IMMT: variants seen among roughly 807,000 people sequenced by gnomAD.
IMMT encodes MICOS complex subunit MIC60.
In IMMT, 40 loss-of-function variants were observed where a neutral mutation model predicts 92.7. The observed-to-expected ratio is 0.43, with a 90% CI of 0.34 to 0.56. IMMT has a LOEUF of 0.56. Ranked by LOEUF, IMMT falls within the 20% of genes least tolerant of loss-of-function variation. IMMT has a pLI of 0.03. For missense variants in IMMT, 831 were observed against 912.1 expected (o/e 0.91, Z 1.14); for synonymous variants, 322 against 336.1 (o/e 0.96, Z 0.46).
intron 6 of IMMT, among the ~76,000 whole-genome samples, chr2:86,168,604 C>T (rs1262065091): frequency 6.6e-6 from 1 of 152,032 alleles, no homozygotes; most frequent in Non-Finnish European, 1.5e-5. Flanking sequence ...GCCTAGGTGA[C>T]AGAGTGAGAC....
rs148161743 is a variant in IMMT at position 86,159,032 on chromosome 2, T to C, written c.1033-311A>G. On this transcript the variant is annotated intron_variant, in intron 9 of 14. Coordinates refer to ENST00000410111, the MANE Select transcript of IMMT (RefSeq NM_006839.3). ...TCATAACCAAAAATGTTATCTATTATAGAAAGTATCAACAATATGGAACAA... is the reference window on the plus strand; with the variant it reads ...TCATAACCAAAAATGTTATCTATTACAGAAAGTATCAACAATATGGAACAA... Among the ~76,000 whole-genome samples the C allele has an allele frequency of 4.6e-5, 7 of 151,352 alleles. No individual in the cohort carries two copies. In the East Asian group the frequency reaches 7.8e-4, roughly 17 times the overall value.
At chr2:86,155,279 C>T (rs1675775793) in intron 10 of IMMT, among the ~76,000 whole-genome samples, 1 of 152,140 alleles carries the variant, frequency 6.6e-6, no homozygotes, top group Non-Finnish European at 1.5e-5. Context: ...CCGTCAATCT[C>T]ATAAAAATAA....
Position 86,156,087 on chromosome 2 carries a change from G to A in IMMT, c.1162+2505C>T, listed in dbSNP as rs566898310. 7.2e-5 allele frequency among the ~76,000 whole-genome samples: 11 copies of A among 152,116 alleles called. No individual in the cohort carries two copies. In the East Asian group the frequency reaches 1.7e-3, roughly 24 times the overall value. The stretch of plus-strand genomic sequence containing the variant: ...CTTTAGCACAGGCTTCTCAACCTTG[G>A]TGCTACTGGCCTTCTGGTCCGGACA... On this transcript the variant is annotated intron_variant, in intron 10 of 14. Coordinates refer to ENST00000410111, the MANE Select transcript of IMMT (RefSeq NM_006839.3).
At chr2:86,147,669 AG>A in intron 13 of IMMT, 32 bp downstream of exon 13, 1 of 1,593,300 alleles carries the variant, frequency 6.3e-7, no homozygotes, top group Non-Finnish European at 8.6e-7. Flanking sequence ...TGTCAGGAAG[AG>A]GGGTGTGGCT....
intron 7 of IMMT, among the ~76,000 whole-genome samples, chr2:86,165,829 A>G (rs902696139): frequency 1.3e-5 from 2 of 152,240 alleles, no homozygotes; most frequent in Admixed American, 1.3e-4. Context: ...TTAAAACTGC[A>G]TGTGAAGTTT....
chr2:86,171,384 G>A (rs761287988), intron 4 of IMMT, 39 bp from the exon 5 acceptor site: 2 of 1,584,408 alleles, frequency 1.3e-6, no homozygotes, highest in Non-Finnish European at 1.7e-6. Flanking sequence ...ATACTTTCCT[G>A]GGTTAACAGA....
intron 7 of IMMT, 28 bp from the exon 8 acceptor site, chr2:86,162,107 A>C: frequency 7.4e-7 from 1 of 1,350,134 alleles, no homozygotes; most frequent in Non-Finnish European, 1.0e-6. Flanking sequence ...ATTATATAAT[A>C]AATAACTGCT....
In IMMT at chr2:86,144,582, A is replaced by G. The variant is rs922606586; in HGVS notation, c.1963T>C (p.Leu655=). The change falls in exon 15 of 15, where the codon TTG becomes CTG. Residue 655 remains leucine, a synonymous_variant. Transcript: ENST00000410111. ...VAMIDETRNS[L]YQYFLSYLQS... is the part of the protein sequence containing the mutation. ...AGGTAGGAGAGGAAGTACTGGTACA[A>G]GCTATTTCTGGTTTCATCAATCATT... is the stretch of plus-strand genomic sequence containing the variant. 2.7e-5 allele frequency: 43 copies of G among 1,613,908 alleles called. No individual in the cohort carries two copies. The highest frequency in any genetic ancestry group is 3.6e-5 in the Non-Finnish European group (42 of 1,179,900).
At chr2:86,145,722 T>C (rs565494778) in intron 14 of IMMT, among the ~76,000 whole-genome samples, 7 of 152,196 alleles carry the variant, frequency 4.6e-5, no homozygotes, top group Non-Finnish European at 7.4e-5. Context: ...CATTTGGTAG[T>C]TGGACTCGGC....
chr2:86,179,288 G>A, intron 3 of IMMT, 145 bp downstream of exon 3: 1 of 624,062 alleles, frequency 1.6e-6, no homozygotes, highest in Middle Eastern at 4.3e-4. Flanking sequence ...TCTGAGACTT[G>A]AGCATCCATG....
At chr2:86,174,907 T>C (rs1677329835) in intron 3 of IMMT, among the ~76,000 whole-genome samples, 1 of 152,184 alleles carries the variant, frequency 6.6e-6, no homozygotes, top group Admixed American at 6.5e-5. Flanking sequence ...AACAAAGCAA[T>C]GAACATCCAT....
chr2:86,149,267 G>A (rs912439854), intron 12 of IMMT, among the ~76,000 whole-genome samples: 1 of 152,184 alleles, frequency 6.6e-6, no homozygotes, highest in African/African-American at 2.4e-5. Context: ...ATAGAACAAT[G>A]TACTAGGCAG....
chr2:86,159,294 A>G, intron 9 of IMMT: 1 of 533,180 alleles, frequency 1.9e-6, no homozygotes, highest in Non-Finnish European at 3.4e-6. Context: ...CATGTTGCCC[A>G]GGCTGGTCTC....
chr2:86,162,205 C>G, intron 7 of IMMT, 126 bp from the exon 8 acceptor site: 2 of 587,600 alleles, frequency 3.4e-6, no homozygotes, highest in East Asian at 7.0e-5. Flanking sequence ...CAATGTTTCT[C>G]CAGAGTAAGA....
intron 10 of IMMT, among the ~76,000 whole-genome samples, chr2:86,154,422 C>T (rs1183399770): frequency 6.6e-6 from 1 of 152,106 alleles, no homozygotes; most frequent in Non-Finnish European, 1.5e-5. Context: ...CTGCCTGCCT[C>T]GGCCTCCCAA....
rs538709416 is a variant in IMMT at position 86,187,893 on chromosome 2, C to G, written c.46-6521G>C. Among the ~76,000 whole-genome samples the G allele has an allele frequency of 1.3e-3, 192 of 147,766 alleles. 1 individual carries two copies. The highest frequency in any genetic ancestry group is 4.7e-3 in the African/African-American group (190 of 40,032). ...CGCCACTGCACTCCAGCCTGGGCAA[C>G]AAGAGTGAAACTCTGTCTCCAGAAA... On this transcript the variant is annotated intron_variant, in intron 1 of 14. Transcript: ENST00000410111.
At chr2:86,148,468 C>T (rs566004501) in intron 12 of IMMT, among the ~76,000 whole-genome samples, 51 of 151,970 alleles carry the variant, frequency 3.4e-4, no homozygotes, top group East Asian at 1.2e-3. Context: ...AAAAATTAGC[C>T]GGGTGTGGTG....
intron 8 of IMMT, among the ~76,000 whole-genome samples, chr2:86,161,154 A>G (rs1421857226): frequency 6.6e-6 from 1 of 151,858 alleles, no homozygotes; most frequent in African/African-American, 2.4e-5. Context: ...TTCTGGCCTA[A>G]TTTTATATAT....
Position 86,144,446 on chromosome 2 carries a change from T to C in IMMT, c.2099A>G (p.His700Arg), listed in dbSNP as rs770823699. The C allele has an allele frequency of 3.7e-6, 6 of 1,613,900 alleles. No homozygotes were observed. Among genetic ancestry groups the C allele is most frequent in the South Asian group, 3.3e-5 (3 of 91,082 alleles). ...LLSYASYCIE[H>R]GDLELAAKFV... Reference sequence around the variant, plus strand: ...CTTTGCTGCTAGCTCCAGATCACCATGCTCAATGCAATAGGAAGCATATGA... The same window carrying C: ...CTTTGCTGCTAGCTCCAGATCACCACGCTCAATGCAATAGGAAGCATATGA... Residue 700 changes from histidine (H) to arginine (R), a missense_variant, in exon 15 of 15, where the codon CAT becomes CGT. Coordinates refer to ENST00000410111, the MANE Select transcript of IMMT (RefSeq NM_006839.3).
Sources: allele counts gnomAD v4.1 joint callset (sites outside exome capture counted in the v4.1 genomes callset), GRCh38; gene constraint gnomAD v4.1.1; transcripts MANE v1.5; gene names NCBI Gene and HGNC (gene_info 2026-07-23, HGNC 2026-07-21).